Variants in NRXN3 observed in about 807,000 individuals in gnomAD.
The protein encoded by NRXN3 is neurexin 3.
A neutral mutation model predicts 137.6 loss-of-function variants in NRXN3; 32 were observed. The observed-to-expected ratio is 0.23, with a 90% CI of 0.18 to 0.31. The LOEUF is 0.31. Among genes scored for constraint, NRXN3 ranks in the 10% least tolerant of loss-of-function variants. The pLI, the probability that NRXN3 is intolerant of heterozygous loss-of-function variation, is 1.00. For synonymous variants in NRXN3, 798 were observed against 784.5 expected (o/e 1.02, Z -0.29); for missense variants, 1,574 against 2,062.5 (o/e 0.76, Z 4.59).
chr14:78,361,790 T>G (rs1219918691), intron 4 of NRXN3, among the ~76,000 whole-genome samples: 1 of 152,224 alleles, frequency 6.6e-6, no homozygotes, highest in Non-Finnish European at 1.5e-5. Flanking sequence ...AGCTCTCACC[T>G]CGACTTCCTA....
intron 2 of NRXN3, among the ~76,000 whole-genome samples, chr14:78,258,942 C>A (rs756205272): frequency 6.6e-6 from 1 of 151,900 alleles, no homozygotes; most frequent in Admixed American, 6.6e-5. Context: ...ACCAGCCTGG[C>A]CAACATAGTG....
At chr14:79,050,800 A>T (rs978096632) in intron 15 of NRXN3, among the ~76,000 whole-genome samples, 3 of 152,182 alleles carry the variant, frequency 2.0e-5, no homozygotes, top group Admixed American at 6.5e-5. Flanking sequence ...ATTCCCCAAG[A>T]GATTTCCTTA....
intron 15 of NRXN3, among the ~76,000 whole-genome samples, chr14:79,078,958 C>T (rs8021865): frequency 0.99 from 150,850 of 152,216 alleles, 74,772 homozygotes; most frequent in Middle Eastern, 1. Context: ...GAACCTAACT[C>T]ATTTTCTGTC....
At chr14:78,282,143 C>T (rs1486405823) in intron 3 of NRXN3, 1 of 502,830 alleles carries the variant, frequency 2.0e-6, no homozygotes, top group Non-Finnish European at 4.0e-6. Flanking sequence ...GGCAGGGACC[C>T]CTGTCAGGTG....
At chr14:78,744,600 G>C (rs150700684) in intron 8 of NRXN3, 367 of 152,310 alleles carry the variant, frequency 2.4e-3, no homozygotes, top group African/African-American at 8.6e-3. Flanking sequence ...GGGTTTTTAG[G>C]CTTGAGGAGG....
chr14:79,514,142 GAT>G (rs957229964), intron 16 of NRXN3, among the ~76,000 whole-genome samples: 1 of 151,930 alleles, frequency 6.6e-6, no homozygotes, highest in Non-Finnish European at 1.5e-5. Context: ...TAGAGATAGA[GAT>G]ATAGGCAATG....
chr14:78,410,609 C>T lies in NRXN3; in HGVS notation c.757+112749C>T, dbSNP rs570562520. ...TTGGGTATCAGCATATGGGGAGATA[C>T]GTGGGTGGGAGGAGCTGATGTCAGA... On this transcript the variant is annotated intron_variant, in intron 4 of 20. Transcript: ENST00000335750. Among the ~76,000 whole-genome samples, 33 of 151,952 alleles carry T rather than the reference C, an allele frequency of 2.2e-4. 1 individual carries two copies. The highest frequency in any genetic ancestry group is 4.6e-4 in the Admixed American group (7 of 15,252).
intron 2 of NRXN3, among the ~76,000 whole-genome samples, chr14:78,268,526 T>G (rs1362732913): frequency 6.6e-6 from 1 of 152,230 alleles, no homozygotes; most frequent in African/African-American, 2.4e-5. Context: ...CACTGATTTC[T>G]TGAAATTTGT....
chr14:79,665,460 A>C (rs2098553305), intron 17 of NRXN3, among the ~76,000 whole-genome samples: 2 of 152,150 alleles, frequency 1.3e-5, no homozygotes, highest in Non-Finnish European at 1.5e-5. Flanking sequence ...TAATAGACTT[A>C]ATTTTTAAAT....
intron 4 of NRXN3, among the ~76,000 whole-genome samples, chr14:78,480,097 C>A (rs551785905): frequency 6.6e-6 from 1 of 152,086 alleles, no homozygotes; most frequent in African/African-American, 2.4e-5. Context: ...GCAGAGATCA[C>A]GCCATGGCAC....
At chr14:78,988,639 T>A (rs920817072) in intron 15 of NRXN3, among the ~76,000 whole-genome samples, 2 of 152,200 alleles carry the variant, frequency 1.3e-5, no homozygotes, top group African/African-American at 4.8e-5. Flanking sequence ...CAAGAGTTTA[T>A]TTTTTACAAT....
intron 20 of NRXN3, among the ~76,000 whole-genome samples, chr14:79,835,225 T>C (rs2099336484): frequency 6.6e-6 from 1 of 152,168 alleles, no homozygotes. Context: ...GCCGGTATAA[T>C]TTAGCTTGAT....
At chr14:78,610,443 G>C (rs1376334072) in intron 4 of NRXN3, among the ~76,000 whole-genome samples, 1 of 152,192 alleles carries the variant, frequency 6.6e-6, no homozygotes, top group Non-Finnish European at 1.5e-5. Flanking sequence ...CAGGTTTCTA[G>C]GTCCTCAAGG....
intron 15 of NRXN3, among the ~76,000 whole-genome samples, chr14:79,012,254 C>T (rs1343836505): frequency 2.6e-5 from 4 of 152,070 alleles, no homozygotes; most frequent in Non-Finnish European, 4.4e-5. Flanking sequence ...TCCAAGGTCA[C>T]GTTGGCACAG....
intron 4 of NRXN3, among the ~76,000 whole-genome samples, chr14:78,376,936 TG>T (rs1480062621): frequency 1.4e-4 from 21 of 152,304 alleles, no homozygotes; most frequent in African/African-American, 4.8e-4. Context: ...ATATATACTT[TG>T]TATGTAAAAA....
At chr14:78,568,985 T>TTTTTTTTTTA (rs1396938722) in intron 4 of NRXN3, among the ~76,000 whole-genome samples, 1 of 147,838 alleles carries the variant, frequency 6.8e-6, no homozygotes. Context: ...TTTTTTTTTT[T>TTTTTTTTTTA]GAGACAGGGT....
chr14:78,966,473 G>A (rs1416057862), intron 12 of NRXN3, 67 bp downstream of exon 12: 2 of 1,506,006 alleles, frequency 1.3e-6, no homozygotes, highest in African/African-American at 2.8e-5. Context: ...GTAAAATATG[G>A]ACATAAAAAT....
At chr14:79,217,991 G>A (rs1184157823) in intron 15 of NRXN3, among the ~76,000 whole-genome samples, 1 of 152,102 alleles carries the variant, frequency 6.6e-6, no homozygotes, top group African/African-American at 2.4e-5. Flanking sequence ...GGACACTGTT[G>A]GATTCATATC....
intron 15 of NRXN3, among the ~76,000 whole-genome samples, chr14:79,018,900 G>T (rs115109660): frequency 0.012 from 1,804 of 152,238 alleles, 24 homozygotes; most frequent in African/African-American, 0.041. Flanking sequence ...AATTACAGCT[G>T]CTGATTAAAC....
Sources: allele counts gnomAD v4.1 joint callset (sites outside exome capture counted in the v4.1 genomes callset), GRCh38; gene constraint gnomAD v4.1.1; transcripts MANE v1.5; gene names NCBI Gene and HGNC (gene_info 2026-07-23, HGNC 2026-07-21).